PDE4D: variants seen among roughly 807,000 people sequenced by gnomAD.
PDE4D encodes 3',5'-cyclic-AMP phosphodiesterase 4D.
In PDE4D, 24 loss-of-function variants were observed where a neutral mutation model predicts 87.4. The ratio of observed to expected loss-of-function variants is 0.27; its 90% CI spans 0.20 to 0.39. The LOEUF is 0.39. Ranked by LOEUF, PDE4D falls within the 10% of genes least tolerant of loss-of-function variation. PDE4D has a pLI of 1.00. For synonymous variants in PDE4D, 384 were observed against 383.2 expected (o/e 1.00, Z -0.02); for missense variants, 714 against 1,041.0 (o/e 0.69, Z 4.32).
chr5:59,792,299 T>C (rs1185215448), intron 1 of PDE4D, among the ~76,000 whole-genome samples: 1 of 152,174 alleles, frequency 6.6e-6, no homozygotes, highest in South Asian at 2.1e-4. Context: ...GTAGAACCAA[T>C]ACGTGGCAAC....
chr5:60,196,205 G>C (rs763108981), intron 1 of PDE4D, among the ~76,000 whole-genome samples: 1 of 151,468 alleles, frequency 6.6e-6, no homozygotes, highest in Non-Finnish European at 1.5e-5. Flanking sequence ...CTCTTTCAAC[G>C]CTCACCTTGA....
intron 2 of PDE4D, among the ~76,000 whole-genome samples, chr5:60,105,601 G>A (rs1244832532): frequency 6.6e-6 from 1 of 152,092 alleles, no homozygotes; most frequent in African/African-American, 2.4e-5. Flanking sequence ...AATGTTAAGG[G>A]CAGCCAGAGA....
chr5:59,539,010 C>G (rs570308609), intron 1 of PDE4D, among the ~76,000 whole-genome samples: 4 of 152,166 alleles, frequency 2.6e-5, no homozygotes, highest in South Asian at 4.1e-4. Context: ...CCACATCACC[C>G]AGTCCTAAAA....
Position 59,451,028 on chromosome 5 carries a change from T to A in PDE4D, c.456-235060A>T, listed in dbSNP as rs529412610. ...TTTCTTGAAATAATTTTGTTTATAT[T>A]CACTATCTTGATTCTCCCTTTGTAC... On this transcript the variant is annotated intron_variant, in intron 1 of 14. Coordinates refer to ENST00000340635, the MANE Select transcript of PDE4D (RefSeq NM_001104631.2). Among the ~76,000 whole-genome samples the A allele has an allele frequency of 1.7e-4, 26 of 152,334 alleles. No individual in the cohort carries two copies. In the East Asian group the frequency reaches 4.6e-3, roughly 27 times the overall value.
At position 59,347,785 on chromosome 5, in the gene PDE4D, A is replaced by G. The variant is rs190685343; in HGVS notation, c.456-131817T>C. 6.7e-3 allele frequency among the ~76,000 whole-genome samples: 1,022 copies of G among 152,216 alleles called. 5 individuals carry two copies. Among genetic ancestry groups the G allele is most frequent in the Middle Eastern group, 0.01 (3 of 294 alleles). The stretch of plus-strand genomic sequence containing the variant: ...AGAAGCAAAGGTAAATTCACTCAAG[A>G]GACTGGAGACTGAAAACAAGTCAGT... On this transcript the variant is annotated intron_variant, in intron 1 of 14. Transcript: ENST00000340635.
At chr5:59,392,524 T>TA (rs1562093627) in intron 1 of PDE4D, among the ~76,000 whole-genome samples, 3 of 149,430 alleles carry the variant, frequency 2.0e-5, no homozygotes, top group East Asian at 3.9e-4. Context: ...TATATATATA[T>TA]TCCATTAATT....
chr5:59,771,481 GAA>G lies in PDE4D; in HGVS notation c.455+121685_455+121686del, dbSNP rs140028087. Among the ~76,000 whole-genome samples, 404 of 103,890 alleles carry G rather than the reference GAA, an allele frequency of 3.9e-3. 9 individuals are homozygous for G. Among genetic ancestry groups the G allele is most frequent in the African/African-American group, 0.011 (253 of 23,480 alleles). 68.2% of individuals were successfully genotyped at this position (103,890 alleles called of 152,430 possible). A position where few individuals can be genotyped will look rare whatever the true frequency, so the allele number is the denominator to read the frequency against. Reference sequence around the variant, plus strand: ...AGAAAGAAAGAAAGAAAGAAAGAAAGAAAGAGAGAGAGAGAGAGAAGAAAGAA... The same window carrying G: ...AGAAAGAAAGAAAGAAAGAAAGAAAGAGAGAGAGAGAGAGAGAAGAAAGAA... On this transcript the variant is annotated intron_variant, in intron 1 of 14. Coordinates refer to ENST00000340635, the MANE Select transcript of PDE4D (RefSeq NM_001104631.2).
At chr5:60,351,064 C>T (rs1425982408) in intron 1 of PDE4D, among the ~76,000 whole-genome samples, 1 of 152,124 alleles carries the variant, frequency 6.6e-6, no homozygotes, top group East Asian at 1.9e-4. Context: ...TGTGCTCAGG[C>T]ATTTTTGGCA....
chr5:60,492,441 G>C (rs1257099361), upstream of PDE4D, among the ~76,000 whole-genome samples: 1 of 151,718 alleles, frequency 6.6e-6, no homozygotes, highest in Non-Finnish European at 1.5e-5. Flanking sequence ...CTGTCTCAAA[G>C]AAAAAATTGA....
intron 1 of PDE4D, chr5:59,586,388 T>C: frequency 6.2e-7 from 1 of 1,608,556 alleles, no homozygotes; most frequent in Non-Finnish European, 8.5e-7. Flanking sequence ...TCGCAGATCT[T>C]CTGTCATTAA....
rs1246937267 is a variant in PDE4D at position 59,220,357 on chromosome 5, G to A, written c.456-4389C>T. ...CGTGTCACTGCACTCCAATCTAGGC[G>A]ACAGAGCATGACTCTGTCTCAAAAA... On this transcript the variant is annotated intron_variant, in intron 1 of 14. Transcript: ENST00000340635. 2.2e-4 allele frequency among the ~76,000 whole-genome samples: 23 copies of A among 106,390 alleles called. No homozygotes were observed. The Admixed American group carries it at 2.9e-3, about 13-fold the overall frequency. The allele number at this position is 106,390 out of a possible 152,430, so 69.8% of individuals were successfully genotyped here. A position where few individuals can be genotyped will look rare whatever the true frequency, so the allele number is the denominator to read the frequency against.
At chr5:59,044,083 G>C (rs1249495466) in intron 5 of PDE4D, among the ~76,000 whole-genome samples, 6 of 152,194 alleles carry the variant, frequency 3.9e-5, no homozygotes, top group Non-Finnish European at 8.8e-5. Flanking sequence ...TAATGGGATG[G>C]CTGGGTCAAA....
intron 1 of PDE4D, among the ~76,000 whole-genome samples, chr5:59,562,272 C>A (rs1041009370): frequency 6.6e-6 from 1 of 152,064 alleles, no homozygotes; most frequent in African/African-American, 2.4e-5. Flanking sequence ...ATTCCTATCA[C>A]AAAAGGGAAA....
intron 1 of PDE4D, among the ~76,000 whole-genome samples, chr5:59,722,244 G>A (rs141314336): frequency 3.9e-4 from 59 of 152,304 alleles, no homozygotes; most frequent in African/African-American, 1.0e-3. Context: ...TTCGTTTCTC[G>A]TCTTTTGACA....
chr5:60,205,026 GC>G, intron 1 of PDE4D, among the ~76,000 whole-genome samples: 1 of 152,194 alleles, frequency 6.6e-6, no homozygotes, highest in African/African-American at 2.4e-5. Flanking sequence ...TATTTTTGTA[GC>G]CACGTGTGCC....
In PDE4D at chr5:58,974,606, C is replaced by CACTT; in HGVS notation, c.*54_*57dup. On this transcript the variant is annotated 3_prime_UTR_variant, in exon 15 of 15. Transcript: ENST00000340635. ...GACCGTGGTTGTGGCATGTGACATG[C>CACTT]ACTTTGGAAACAATTTTTCTACTTA... is the stretch of plus-strand genomic sequence containing the variant. 6.8e-7 allele frequency: 1 copy of CACTT among 1,469,412 alleles called. No individual in the cohort carries two copies. The highest frequency in any genetic ancestry group is 2.3e-5 in the East Asian group (1 of 43,762). 91.0% of individuals were successfully genotyped at this position (1,469,412 alleles called of 1,614,324 possible).
chr5:59,595,072 A>T (rs1421407471), intron 1 of PDE4D, among the ~76,000 whole-genome samples: 2 of 152,184 alleles, frequency 1.3e-5, no homozygotes, highest in African/African-American at 2.4e-5. Context: ...AAGTTACATG[A>T]CAAGCATTAA....
intron 6 of PDE4D, among the ~76,000 whole-genome samples, chr5:59,031,378 TATATATATATATATTA>T (rs1162983348): frequency 1.1e-4 from 7 of 64,600 alleles, no homozygotes; most frequent in African/African-American, 5.0e-4. Context: ...TATATATATA[TATATATATATATATTA>T]TATATATATA....
Position 59,502,657 on chromosome 5 carries a change from TAAGG to T in PDE4D, c.456-286693_456-286690del, listed in dbSNP as rs1472552602. Among the ~76,000 whole-genome samples, 38 of 143,978 alleles carry T rather than the reference TAAGG, an allele frequency of 2.6e-4. 1 individual carries two copies. The highest frequency in any genetic ancestry group is 9.1e-5 in the Non-Finnish European group (6 of 65,916). 94.5% of individuals were successfully genotyped at this position (143,978 alleles called of 152,430 possible). On this transcript the variant is annotated intron_variant, in intron 1 of 14. Coordinates refer to ENST00000340635, the MANE Select transcript of PDE4D (RefSeq NM_001104631.2). ...CCACTCAGATAATTTCTTTATTCCT[TAAGG>T]TAGTGTGTGTGTGTGTGTGTGTGTG...
Sources: gnomAD v4.1 joint callset for allele counts (sites outside exome capture counted in the v4.1 genomes callset) on GRCh38, gnomAD v4.1.1 for gene constraint, MANE v1.5 for transcripts, NCBI Gene and HGNC (gene_info 2026-07-23, HGNC 2026-07-21) for gene names.